WWOX: variants seen among roughly 807,000 people sequenced by gnomAD.
The protein encoded by WWOX is WW domain-containing oxidoreductase.
Under a neutral mutation model 46.2 loss-of-function variants are expected in WWOX, and 69 were observed. The ratio of observed to expected loss-of-function variants is 1.49; its 90% confidence interval spans 1.23 to 1.82. WWOX has a LOEUF of 1.82. Among genes scored for constraint, WWOX ranks in the 40% most tolerant of loss-of-function variants. The pLI, the probability that WWOX is intolerant of heterozygous loss-of-function variation, is 0.00. For synonymous variants in WWOX, 359 were observed against 202.6 expected (o/e 1.77, Z -6.56); for missense variants, 919 against 542.6 (o/e 1.69, Z -6.89).
intron 8 of WWOX, among the ~76,000 whole-genome samples, chr16:78,585,460 G>A (rs959404402): frequency 6.6e-6 from 1 of 152,004 alleles, no homozygotes; most frequent in South Asian, 2.1e-4. Context: ...TCACTGATGG[G>A]CCCCCAACTC....
chr16:78,859,575 G>A (rs1361156946), intron 8 of WWOX, among the ~76,000 whole-genome samples: 3 of 152,106 alleles, frequency 2.0e-5, no homozygotes, highest in Non-Finnish European at 2.9e-5. Flanking sequence ...CTGTCATTAT[G>A]GATTTGGTTT....
chr16:78,536,210 T>G, intron 8 of WWOX, among the ~76,000 whole-genome samples: 1 of 152,088 alleles, frequency 6.6e-6, no homozygotes, highest in East Asian at 1.9e-4. Context: ...TTGGTGCCAT[T>G]CTCCTCCCTT....
chr16:78,470,127 C>T (rs181638322), intron 8 of WWOX, among the ~76,000 whole-genome samples: 3 of 152,322 alleles, frequency 2.0e-5, no homozygotes, highest in East Asian at 3.9e-4. Context: ...CTCTTTTCAT[C>T]TTGTGGCTCA....
At chr16:79,130,611 G>T (rs1036564259) in intron 8 of WWOX, among the ~76,000 whole-genome samples, 1 of 152,152 alleles carries the variant, frequency 6.6e-6, no homozygotes, top group Non-Finnish European at 1.5e-5. Flanking sequence ...TTGCCCCCAT[G>T]GAGTTGAAAC....
intron 5 of WWOX, among the ~76,000 whole-genome samples, chr16:78,182,590 A>G (rs1452795117): frequency 6.6e-6 from 1 of 151,860 alleles, no homozygotes; most frequent in Non-Finnish European, 1.5e-5. Flanking sequence ...TGTTCAGCAC[A>G]TCGCTGTCAA....
chr16:78,911,790 C>G (rs567781424), intron 8 of WWOX, among the ~76,000 whole-genome samples: 1 of 151,980 alleles, frequency 6.6e-6, no homozygotes, highest in South Asian at 2.1e-4. Flanking sequence ...CACTTGAACC[C>G]GGGAAGCGGA....
At chr16:78,905,461 A>C (rs562134221) in intron 8 of WWOX, among the ~76,000 whole-genome samples, 1 of 152,338 alleles carries the variant, frequency 6.6e-6, no homozygotes, top group Admixed American at 6.5e-5. Context: ...GGCTTACTGC[A>C]GACTCAACCT....
At chr16:79,062,110 A>G (rs1026596609) in intron 8 of WWOX, among the ~76,000 whole-genome samples, 3 of 152,152 alleles carry the variant, frequency 2.0e-5, no homozygotes, top group Admixed American at 6.5e-5. Context: ...ACGTGATCTC[A>G]TAGCACAGAA....
intron 8 of WWOX, among the ~76,000 whole-genome samples, chr16:78,762,692 G>A (rs188799458): frequency 9.7e-4 from 148 of 152,304 alleles, no homozygotes; most frequent in Non-Finnish European, 1.2e-3. Context: ...ATCCACTGTG[G>A]CTGAGAACAG....
chr16:78,898,732 T>C (rs1314264191), intron 8 of WWOX: 1 of 152,130 alleles, frequency 6.6e-6, no homozygotes, highest in Non-Finnish European at 1.5e-5. Flanking sequence ...GTGTTAAGCG[T>C]TACCATCCAT....
rs138298328 is a variant in WWOX at position 78,782,696 on chromosome 16, T to C, written c.1056+349944T>C. On this transcript the variant is annotated intron_variant, in intron 8 of 8. Transcript: ENST00000566780. ...TTTTTTTTTTTTTGCATTTTTCCAA[T>C]TGTGATCATACTATATATGCAATTT... Among the ~76,000 whole-genome samples, 743 of 150,432 alleles carry C rather than the reference T, an allele frequency of 4.9e-3. 6 individuals are homozygous for C. Among genetic ancestry groups the C allele is most frequent in the African/African-American group, 0.017 (713 of 41,022 alleles).
rs111393818 is a variant in WWOX, at chr16:78,549,851, A to G, written c.1056+117099A>G. Among the ~76,000 whole-genome samples, 42 of 152,322 alleles carry G rather than the reference A, an allele frequency of 2.8e-4. 1 individual carries two copies. Among genetic ancestry groups the G allele is most frequent in the African/African-American group, 9.6e-4 (40 of 41,580 alleles). Reference sequence around the variant, plus strand: ...ATGGTGTATGTAGGGCAGGAACCCCATCAGAATTGGGGAATCTTTAAAGGA... The same window carrying G: ...ATGGTGTATGTAGGGCAGGAACCCCGTCAGAATTGGGGAATCTTTAAAGGA... On this transcript the variant is annotated intron_variant, in intron 8 of 8. Coordinates refer to ENST00000566780, the MANE Select transcript of WWOX (RefSeq NM_016373.4).
At chr16:78,427,096 C>G (rs779353341) in intron 7 of WWOX, among the ~76,000 whole-genome samples, 7 of 152,208 alleles carry the variant, frequency 4.6e-5, no homozygotes, top group Non-Finnish European at 1.0e-4. Flanking sequence ...TACGTGAAGA[C>G]AGTTGCTCAC....
intron 8 of WWOX, among the ~76,000 whole-genome samples, chr16:78,628,275 A>G (rs966052993): frequency 6.6e-6 from 1 of 152,158 alleles, no homozygotes; most frequent in Admixed American, 6.5e-5. Context: ...GAGTGGTGCT[A>G]ATGTTTCCTG....
At chr16:78,649,735 C>T (rs2046924027) in intron 8 of WWOX, among the ~76,000 whole-genome samples, 1 of 152,168 alleles carries the variant, frequency 6.6e-6, no homozygotes. Flanking sequence ...TGTGTTAAGT[C>T]TACAGTGTAT....
At chr16:78,171,486 T>C (rs542774704) in intron 5 of WWOX, among the ~76,000 whole-genome samples, 1 of 152,124 alleles carries the variant, frequency 6.6e-6, no homozygotes, top group East Asian at 1.9e-4. Context: ...GGGAGGCATG[T>C]GGTATGTGGG....
intron 8 of WWOX, among the ~76,000 whole-genome samples, chr16:78,874,391 C>G (rs540497509): frequency 2.0e-5 from 3 of 152,212 alleles, no homozygotes; most frequent in African/African-American, 7.2e-5. Flanking sequence ...AAAGCAGACG[C>G]AGTTGCTAAA....
chr16:78,417,914 G>T (rs1296392800), intron 6 of WWOX, among the ~76,000 whole-genome samples: 2 of 152,142 alleles, frequency 1.3e-5, no homozygotes, highest in African/African-American at 4.8e-5. Context: ...GGATGGGTGG[G>T]AAAACAGATG....
chr16:79,132,062 C>A (rs1038919709), intron 8 of WWOX, among the ~76,000 whole-genome samples: 1 of 151,770 alleles, frequency 6.6e-6, no homozygotes, highest in Non-Finnish European at 1.5e-5. Flanking sequence ...ATGGGAGATA[C>A]AAGATGAGAT....
Sources: gnomAD v4.1 joint callset for allele counts (sites outside exome capture counted in the v4.1 genomes callset) on GRCh38, gnomAD v4.1.1 for gene constraint, MANE v1.5 for transcripts, NCBI Gene and HGNC (gene_info 2026-07-23, HGNC 2026-07-21) for gene names.